SNX30: variants seen among roughly 807,000 people sequenced by gnomAD.
SNX30 encodes the protein sorting nexin-30.
Under a neutral mutation model 46.4 loss-of-function variants are expected in SNX30, and 24 were observed. The observed-to-expected ratio is 0.52, with a 90% CI of 0.37 to 0.73. SNX30 has a LOEUF of 0.73. SNX30 is among the 30% of genes least tolerant of loss of function. The pLI is 0.00. For missense variants in SNX30, 533 were observed against 555.7 expected (o/e 0.96, Z 0.41); for synonymous variants, 189 against 211.5 (o/e 0.89, Z 0.92).
chr9:112,789,372 C>T (rs955481124), intron 1 of SNX30, among the ~76,000 whole-genome samples: 1 of 152,168 alleles, frequency 6.6e-6, no homozygotes, highest in Admixed American at 6.5e-5. Context: ...TTCCATTTGG[C>T]AAGTCTACTT....
At chr9:112,765,453 T>G (rs1839520446) in intron 1 of SNX30, among the ~76,000 whole-genome samples, 1 of 152,206 alleles carries the variant, frequency 6.6e-6, no homozygotes, top group Admixed American at 6.5e-5. Context: ...ACTGTCCATT[T>G]TCCCTATTCC....
intron 4 of SNX30, among the ~76,000 whole-genome samples, chr9:112,834,503 G>C (rs1386741455): frequency 6.6e-6 from 1 of 152,168 alleles, no homozygotes; most frequent in Admixed American, 6.5e-5. Context: ...AGGCGTGGGG[G>C]AAGGGGCGTG....
chr9:112,820,986 G>A (rs1840482790), intron 3 of SNX30, among the ~76,000 whole-genome samples: 1 of 152,206 alleles, frequency 6.6e-6, no homozygotes, highest in Non-Finnish European at 1.5e-5. Flanking sequence ...GCTGCTGTGA[G>A]CGTTCATGTA....
At chr9:112,753,979 A>C (rs988911674) in intron 1 of SNX30, among the ~76,000 whole-genome samples, 20 of 152,132 alleles carry the variant, frequency 1.3e-4, no homozygotes, top group Non-Finnish European at 5.9e-5. Context: ...GGGTCATCAG[A>C]GGGGTGTTAG....
chr9:112,837,042 G>A (rs570371701), intron 5 of SNX30, among the ~76,000 whole-genome samples: 3 of 152,268 alleles, frequency 2.0e-5, no homozygotes, highest in African/African-American at 7.2e-5. Context: ...GCGGACAGAC[G>A]TGAGCAGTGT....
rs539482330 is a variant in SNX30 at position 112,874,800 on chromosome 9, G to A, written c.*5957G>A. On this transcript the variant is annotated 3_prime_UTR_variant, in exon 9 of 9. Coordinates refer to ENST00000374232, the MANE Select transcript of SNX30 (RefSeq NM_001012994.2). ...TTTGTTGACTTTTTGATGCTGGCAC[G>A]AGGTTTTTGTCCACTTTTTTCATAT... is the stretch of plus-strand genomic sequence containing the variant. 2.6e-5 allele frequency: 4 copies of A among 152,120 alleles called. No homozygotes were observed. The highest frequency in any genetic ancestry group is 9.6e-5 in the African/African-American group (4 of 41,522). 9.4% of individuals were successfully genotyped at this position (152,120 alleles called of 1,614,324 possible). A position where few individuals can be genotyped will look rare whatever the true frequency, so the allele number is the denominator to read the frequency against.
chr9:112,847,002 G>A (rs540470681), intron 6 of SNX30, among the ~76,000 whole-genome samples: 1 of 152,276 alleles, frequency 6.6e-6, no homozygotes, highest in African/African-American at 2.4e-5. Flanking sequence ...CAAATCCAGT[G>A]CAGATGTTGA....
In SNX30 at chr9:112,817,713, G is replaced by T. The variant is rs757502141; in HGVS notation, c.357G>T (p.Arg119=). ...ITYRITTKST[R]VEFDLPEYSV... ...CATTCTCTTCTTTGCAGAGTACTCG[G>T]GTGGAGTTTGACCTGCCAGAATATT... The change falls in exon 3 of 9, where the codon CGG becomes CGT. Residue 119 remains arginine, a synonymous_variant. Coordinates refer to ENST00000374232, the MANE Select transcript of SNX30 (RefSeq NM_001012994.2). 6.3e-7 allele frequency: 1 copy of T among 1,599,650 alleles called. No individual in the cohort carries two copies. The highest frequency in any genetic ancestry group is 1.1e-5 in the South Asian group (1 of 90,726).
chr9:112,865,691 GTATACACACATATA>G lies in SNX30; in HGVS notation c.1254+1307_1254+1320del, dbSNP rs1377810643. 9.4e-4 allele frequency among the ~76,000 whole-genome samples: 98 copies of G among 104,106 alleles called. 1 individual carries two copies. Among genetic ancestry groups the G allele is most frequent in the African/African-American group, 3.3e-3 (85 of 25,922 alleles). The allele number at this position is 104,106 out of a possible 152,430, so 68.3% of individuals were successfully genotyped here. On this transcript the variant is annotated intron_variant, in intron 8 of 8. Transcript: ENST00000374232. Reference sequence around the variant, plus strand: ...TGTATGTATGCACACACACACACACGTATACACACATATATATACACACATATACATACATACAT... The same window carrying G: ...TGTATGTATGCACACACACACACACGTATACACACATATACATACATACAT...
chr9:112,827,034 C>G (rs930790136), intron 3 of SNX30, among the ~76,000 whole-genome samples: 1 of 152,208 alleles, frequency 6.6e-6, no homozygotes, highest in South Asian at 2.1e-4. Context: ...CCCCTCTCTT[C>G]TTTCATTTAC....
Position 112,851,041 on chromosome 9 carries a change from C to A in SNX30, c.1101+96C>A. 6.7e-6 allele frequency: 6 copies of A among 897,278 alleles called. No homozygotes were observed. In the South Asian group the frequency reaches 7.9e-5, roughly 12 times the overall value. The allele number at this position is 897,278 out of a possible 1,614,324, so 55.6% of individuals were successfully genotyped here. On this transcript the variant is annotated intron_variant, in intron 7 of 8. Coordinates refer to ENST00000374232, the MANE Select transcript of SNX30 (RefSeq NM_001012994.2). ...CTAGATCTGTATGACTAAGAGTGGT[C>A]AGTGCCGGCTGGGCTACGTTGATGA...
chr9:112,846,303 C>G (rs1840939423), intron 6 of SNX30, among the ~76,000 whole-genome samples: 1 of 152,188 alleles, frequency 6.6e-6, no homozygotes, highest in African/African-American at 2.4e-5. Flanking sequence ...TTATGTATGA[C>G]TTCTCCCCCT....
At chr9:112,879,758 A>G (rs752961809), downstream of SNX30, 36 of 1,611,810 alleles carry the variant, frequency 2.2e-5, no homozygotes, top group Non-Finnish European at 2.8e-5. Flanking sequence ...GCAGGTAAGC[A>G]TCTTCATTTC....
At chr9:112,825,048 G>A (rs1840561222) in intron 3 of SNX30, among the ~76,000 whole-genome samples, 3 of 152,184 alleles carry the variant, frequency 2.0e-5, no homozygotes, top group Non-Finnish European at 4.4e-5. Context: ...ATCAACACTG[G>A]TGGTTGTCTA....
chr9:112,867,317 C>T lies in SNX30; in HGVS notation c.1255-1467C>T, dbSNP rs191697353. 4.0e-3 allele frequency among the ~76,000 whole-genome samples: 600 copies of T among 150,304 alleles called. 7 individuals carry two copies. The highest frequency in any genetic ancestry group is 0.012 in the South Asian group (56 of 4,686). On this transcript the variant is annotated intron_variant, in intron 8 of 8. Transcript: ENST00000374232. ...CCCTCCTCAGAACTCCTCCCACCTC[C>T]TCAGAATTCCTCCTCCCTCCTCAGA...
intron 8 of SNX30, among the ~76,000 whole-genome samples, chr9:112,868,520 A>G (rs1687715668): frequency 6.6e-6 from 1 of 152,184 alleles, no homozygotes; most frequent in African/African-American, 2.4e-5. Context: ...ATTTCCATTC[A>G]CTGGATCTGA....
At chr9:112,826,008 A>G (rs764033469) in intron 3 of SNX30, among the ~76,000 whole-genome samples, 1 of 152,298 alleles carries the variant, frequency 6.6e-6, no homozygotes, top group Non-Finnish European at 1.5e-5. Context: ...AGTTTCCCCG[A>G]TTGATGAAAC....
At chr9:112,781,828 G>A (rs1211127916) in intron 1 of SNX30, among the ~76,000 whole-genome samples, 1 of 149,734 alleles carries the variant, frequency 6.7e-6, no homozygotes, top group Non-Finnish European at 1.5e-5. Context: ...ATTTAGTAGA[G>A]ACGGGGTTTT....
intron 1 of SNX30, among the ~76,000 whole-genome samples, chr9:112,758,011 T>C (rs1839378043): frequency 6.6e-6 from 1 of 152,194 alleles, no homozygotes; most frequent in African/African-American, 2.4e-5. Context: ...AACTTTTCTC[T>C]GCTCCTCATA....
Sources: gnomAD v4.1 joint callset for allele counts (sites outside exome capture counted in the v4.1 genomes callset) on GRCh38, gnomAD v4.1.1 for gene constraint, MANE v1.5 for transcripts, NCBI Gene and HGNC (gene_info 2026-07-23, HGNC 2026-07-21) for gene names.